ARNT2: variants seen among roughly 807,000 people sequenced by gnomAD.
ARNT2 encodes the protein ARNT protein 2.
In ARNT2, 36 loss-of-function variants were observed where a neutral mutation model predicts 91.7. The observed-to-expected ratio is 0.39, with a 90% confidence interval of 0.30 to 0.52. The LOEUF is 0.52. Ranked by LOEUF, ARNT2 falls within the 20% of genes least tolerant of loss-of-function variation. The pLI, the probability that ARNT2 is intolerant of heterozygous loss-of-function variation, is 0.72. For missense variants in ARNT2, 775 were observed against 939.3 expected (o/e 0.83, Z 2.29); for synonymous variants, 365 against 347.1 (o/e 1.05, Z -0.57).
chr15:80,546,207 G>A (rs1233893122), intron 8 of ARNT2, among the ~76,000 whole-genome samples: 2 of 152,158 alleles, frequency 1.3e-5, no homozygotes, highest in Admixed American at 6.5e-5. Context: ...TGTGATGTAA[G>A]CAAGGACTCC....
chr15:80,459,369 G>A (rs900051233), intron 3 of ARNT2, among the ~76,000 whole-genome samples: 1 of 152,170 alleles, frequency 6.6e-6, no homozygotes, highest in African/African-American at 2.4e-5. Context: ...CACTTTAATA[G>A]CAGGGTGTGC....
intron 12 of ARNT2, among the ~76,000 whole-genome samples, chr15:80,568,231 A>T (rs568975375): frequency 1.8e-4 from 28 of 152,290 alleles, no homozygotes; most frequent in Admixed American, 1.4e-3. Flanking sequence ...TGGGGGGCCA[A>T]GACTCATTTG....
At chr15:80,473,191 G>A (rs1896756825) in intron 4 of ARNT2, among the ~76,000 whole-genome samples, 1 of 152,182 alleles carries the variant, frequency 6.6e-6, no homozygotes, top group Admixed American at 6.5e-5. Context: ...AGCGGTAGGT[G>A]ATAGTCTCCT....
Position 80,475,109 on chromosome 15 carries a change from G to T in ARNT2, c.508G>T (p.Val170Phe). The T allele has an allele frequency of 6.2e-7, 1 of 1,614,218 alleles. No individual in the cohort carries two copies. Among genetic ancestry groups the T allele is most frequent in the East Asian group, 2.2e-5 (1 of 44,880 alleles). Residue 170 changes from valine to phenylalanine, a missense_variant, in exon 5 of 19, where the codon GTT (valine) becomes TTT (phenylalanine). By Grantham distance (50) the Val-to-Phe change is conservative. Coordinates refer to ENST00000303329, the MANE Select transcript of ARNT2 (RefSeq NM_014862.4). ...VIYVSDSVTP[V>F]LNQPQSEWFG... ...TTATGTGTCTGACTCCGTCACCCCT[G>T]TTCTGAACCAGCCCCAGTCAGAGTG...
intron 5 of ARNT2, among the ~76,000 whole-genome samples, chr15:80,484,492 A>G (rs1896936763): frequency 6.6e-6 from 1 of 152,112 alleles, no homozygotes; most frequent in Non-Finnish European, 1.5e-5. Context: ...GTTATCCCAG[A>G]TGTTTCTTTG....
At chr15:80,481,989 T>G (rs2141403490) in intron 5 of ARNT2, among the ~76,000 whole-genome samples, 1 of 152,284 alleles carries the variant, frequency 6.6e-6, no homozygotes, top group Non-Finnish European at 1.5e-5. Context: ...GCAGCCTCTC[T>G]TGAGCCTAGG....
At position 80,591,041 on chromosome 15, in the gene ARNT2, G is replaced by C. The variant is rs1036446915; in HGVS notation, c.1919-527G>C. ...TCCGAGGAGTTGCTCGGGGGCAGAG[G>C]CTGAGGTTGGGAATGCCAAGATGAG... On this transcript the variant is annotated intron_variant, in intron 17 of 18. Transcript: ENST00000303329. This position sits in a 1 kb window ranked among gnomAD's most constrained non-coding sequence, Gnocchi z 5.1. Among the ~76,000 whole-genome samples the C allele has an allele frequency of 6.6e-6, 1 of 152,214 alleles. No individual in the cohort carries two copies. Among genetic ancestry groups the C allele is most frequent in the Non-Finnish European group, 1.5e-5 (1 of 68,042 alleles).
At chr15:80,407,914 C>G (rs1895623482) in intron 1 of ARNT2, among the ~76,000 whole-genome samples, 1 of 152,132 alleles carries the variant, frequency 6.6e-6, no homozygotes, top group Admixed American at 6.5e-5. Flanking sequence ...AGGGAATCAG[C>G]TACAAATTCA....
chr15:80,489,184 AAT>A (rs1294587902), intron 5 of ARNT2, among the ~76,000 whole-genome samples: 4 of 152,240 alleles, frequency 2.6e-5, no homozygotes, highest in African/African-American at 7.2e-5. Context: ...AAGAAAATAA[AAT>A]AGTTTCCTTT....
intron 8 of ARNT2, among the ~76,000 whole-genome samples, chr15:80,543,555 C>G (rs1377956327): frequency 6.6e-6 from 1 of 152,200 alleles, no homozygotes; most frequent in African/African-American, 2.4e-5. Flanking sequence ...ATGTTCCTTC[C>G]CTCCTCCTTC....
intron 1 of ARNT2, among the ~76,000 whole-genome samples, chr15:80,446,205 G>C (rs1979026): frequency 0.44 from 67,178 of 151,912 alleles, 15,387 homozygotes; most frequent in East Asian, 0.56. Flanking sequence ...CGTACATACA[G>C]GTATAATGTC....
intron 3 of ARNT2, among the ~76,000 whole-genome samples, chr15:80,463,114 T>A (rs1896585389): frequency 6.6e-6 from 1 of 152,130 alleles, no homozygotes. Context: ...AGTCTGAGCG[T>A]CTTAGCCTAG....
At chr15:80,542,951 A>T (rs1364836779) in intron 8 of ARNT2, among the ~76,000 whole-genome samples, 1 of 151,900 alleles carries the variant, frequency 6.6e-6, no homozygotes, top group Non-Finnish European at 1.5e-5. Context: ...AAAAAAAATT[A>T]GCCAGTGTAG....
At chr15:80,520,609 G>A (rs1010088978) in intron 8 of ARNT2, among the ~76,000 whole-genome samples, 14 of 151,760 alleles carry the variant, frequency 9.2e-5, no homozygotes, top group African/African-American at 2.9e-4. Flanking sequence ...ACATACAAAA[G>A]GAAACTTTTG....
At chr15:80,505,998 G>A (rs367653655) in intron 5 of ARNT2, among the ~76,000 whole-genome samples, 8 of 139,906 alleles carry the variant, frequency 5.7e-5, no homozygotes, top group East Asian at 4.3e-4. Flanking sequence ...CCGCAGTGGC[G>A]CAATCTCGGC....
chr15:80,508,802 T>C (rs887019803), intron 6 of ARNT2, among the ~76,000 whole-genome samples: 1 of 152,222 alleles, frequency 6.6e-6, no homozygotes, highest in African/African-American at 2.4e-5. Flanking sequence ...CTACATATAT[T>C]TGATTTGTAC....
At chr15:80,496,851 C>A (rs1324305871) in intron 5 of ARNT2, among the ~76,000 whole-genome samples, 1 of 152,174 alleles carries the variant, frequency 6.6e-6, no homozygotes, top group Non-Finnish European at 1.5e-5. Context: ...CATGGAGCAT[C>A]CATAGGAGCC....
At chr15:80,431,186 C>T (rs552502701) in intron 1 of ARNT2, among the ~76,000 whole-genome samples, 6 of 152,290 alleles carry the variant, frequency 3.9e-5, no homozygotes, top group Admixed American at 1.3e-4. Context: ...ACATTTTCTT[C>T]GGGAGGCCAC....
intron 11 of ARNT2, 54 bp downstream of exon 11, chr15:80,555,193 A>G: frequency 1.3e-6 from 2 of 1,583,672 alleles, no homozygotes; most frequent in African/African-American, 1.3e-5. Context: ...GCACCTGTGG[A>G]TGTGGCTGGC....
Sources: allele counts gnomAD v4.1 joint callset (sites outside exome capture counted in the v4.1 genomes callset), GRCh38; gene constraint gnomAD v4.1.1; non-coding constraint Gnocchi (gnomAD v3.1); transcripts MANE v1.5; gene names NCBI Gene and HGNC (gene_info 2026-07-23, HGNC 2026-07-21).